The following ELAVL2 variants were observed in gnomAD, a reference collection of about 807,000 sequenced individuals.
The protein encoded by ELAVL2 is ELAV like RNA binding protein 2.
A neutral mutation model predicts 34.6 loss-of-function variants in ELAVL2; 4 were observed. The ratio of observed to expected loss-of-function variants is 0.12; its 90% CI spans 0.06 to 0.26. ELAVL2 has a LOEUF of 0.26. ELAVL2 is among the 10% of genes least tolerant of loss of function. ELAVL2 has a pLI of 1.00. For synonymous variants in ELAVL2, 193 were observed against 154.8 expected (o/e 1.25, Z -1.83); for missense variants, 432 against 442.8 (o/e 0.98, Z 0.22).
chr9:23,729,481 A>G (rs1029051670), intron 3 of ELAVL2, among the ~76,000 whole-genome samples: 7 of 152,178 alleles, frequency 4.6e-5, no homozygotes, highest in East Asian at 1.9e-4. Flanking sequence ...TCTGACACAG[A>G]AAGTATGCAG....
rs150537735 is a variant in ELAVL2 at position 23,805,821 on chromosome 9, C to T, written c.-16+19985G>A. ...GAGACCCCTCCTTATTCCTGGCAAACACAGTCATTTCAGTCCAACCTTGAA... is the reference window on the plus strand; with the variant it reads ...GAGACCCCTCCTTATTCCTGGCAAATACAGTCATTTCAGTCCAACCTTGAA... On this transcript the variant is annotated intron_variant, in intron 1 of 6. Transcript: ENST00000397312. Among the ~76,000 whole-genome samples, 312 of 152,306 alleles carry T rather than the reference C, an allele frequency of 2.0e-3. 1 individual carries two copies. The highest frequency in any genetic ancestry group is 7.3e-3 in the African/African-American group (304 of 41,560).
chr9:23,819,380 T>A (rs568498928), intron 1 of ELAVL2, among the ~76,000 whole-genome samples: 123 of 152,090 alleles, frequency 8.1e-4, no homozygotes, highest in Non-Finnish European at 1.3e-3. Context: ...AAAACACATC[T>A]TAGGCCTAGA....
intron 1 of ELAVL2, among the ~76,000 whole-genome samples, chr9:23,817,856 C>T (rs541004602): frequency 1.3e-5 from 2 of 152,284 alleles, no homozygotes; most frequent in South Asian, 4.1e-4. Context: ...CAAAAGTTAT[C>T]ATTTAAATCA....
chr9:23,735,170 T>C (rs528593387), intron 2 of ELAVL2: 1 of 134,902 alleles, frequency 7.4e-6, no homozygotes, highest in African/African-American at 2.7e-5. Flanking sequence ...GCCAAAAAAT[T>C]TGCCTGGTAA....
chr9:23,757,226 C>T (rs2053776327), intron 2 of ELAVL2, among the ~76,000 whole-genome samples: 1 of 152,160 alleles, frequency 6.6e-6, no homozygotes, highest in East Asian at 1.9e-4. Flanking sequence ...CCAGAGAAGA[C>T]ACACTCGCCA....
chr9:23,841,358 T>C, the ELAVL2 span, among the ~76,000 whole-genome samples: 3 of 152,132 alleles, frequency 2.0e-5, no homozygotes, highest in Admixed American at 6.6e-5. Flanking sequence ...GAGTGATTTA[T>C]ACCCTGGCAT....
At chr9:23,817,990 C>T (rs1202637043) in intron 1 of ELAVL2, among the ~76,000 whole-genome samples, 1 of 152,152 alleles carries the variant, frequency 6.6e-6, no homozygotes, top group Admixed American at 6.5e-5. Flanking sequence ...AATTAACTAG[C>T]ACTATAAACC....
At chr9:23,692,911 C>T in intron 6 of ELAVL2, 27 bp from the exon 7 acceptor site, 2 of 1,591,908 alleles carry the variant, frequency 1.3e-6, no homozygotes, top group Middle Eastern at 1.7e-4. Context: ...GAAATACACA[C>T]ATACACACAA....
At chr9:23,772,045 T>C (rs1309015360) in intron 1 of ELAVL2, among the ~76,000 whole-genome samples, 1 of 152,192 alleles carries the variant, frequency 6.6e-6, no homozygotes, top group African/African-American at 2.4e-5. Flanking sequence ...AACTACTCCC[T>C]CAGTTTTGTG....
At chr9:23,779,326 A>C (rs2136692947) in intron 1 of ELAVL2, 1 of 985,452 alleles carries the variant, frequency 1.0e-6, no homozygotes, top group East Asian at 1.1e-4. Context: ...CAGAGGAACA[A>C]AGGCAATTCC....
chr9:23,721,827 T>TTA (rs2043809928), intron 3 of ELAVL2, among the ~76,000 whole-genome samples: 1 of 152,244 alleles, frequency 6.6e-6, no homozygotes, highest in African/African-American at 2.4e-5. Context: ...CTAGCTTACT[T>TTA]TATATTGTAA....
At chr9:23,782,960 T>C (rs950901478) in intron 1 of ELAVL2, among the ~76,000 whole-genome samples, 1 of 152,200 alleles carries the variant, frequency 6.6e-6, no homozygotes, top group South Asian at 2.1e-4. Context: ...CCCATCTCAG[T>C]TGCTCATTGT....
At chr9:23,839,252 T>A in the ELAVL2 span, among the ~76,000 whole-genome samples, 3 of 152,066 alleles carry the variant, frequency 2.0e-5, no homozygotes, top group Admixed American at 2.0e-4. Flanking sequence ...CAGACATATA[T>A]TAATTTTCAG....
rs143912926 is a variant in ELAVL2, at chr9:23,799,419, T to A, written c.-16+26387A>T. ...TTCCTAAGGCACTCAGGGTGAAACCTGGACTAGAACCTAGATGTCCCTCCA... is the reference window on the plus strand; with the variant it reads ...TTCCTAAGGCACTCAGGGTGAAACCAGGACTAGAACCTAGATGTCCCTCCA... On this transcript the variant is annotated intron_variant, in intron 1 of 6. Coordinates refer to ENST00000397312, the MANE Select transcript of ELAVL2 (RefSeq NM_004432.5). 1.3e-3 allele frequency among the ~76,000 whole-genome samples: 205 copies of A among 152,306 alleles called. 1 individual carries two copies. The highest frequency in any genetic ancestry group is 4.9e-3 in the African/African-American group (203 of 41,570).
rs142256655 is a variant in ELAVL2, at chr9:23,725,256, G to A, written c.333+5766C>T. On this transcript the variant is annotated intron_variant, in intron 3 of 6. Coordinates refer to ENST00000397312, the MANE Select transcript of ELAVL2 (RefSeq NM_004432.5). ...AACATCAGCGCCTTCACATACATGC[G>A]CACCCAGAACACACTTCTATAACGC... is the stretch of plus-strand genomic sequence containing the variant. Among the ~76,000 whole-genome samples the A allele has an allele frequency of 3.5e-3, 540 of 152,144 alleles. 3 individuals carry two copies. Among genetic ancestry groups the A allele is most frequent in the African/African-American group, 0.012 (485 of 41,524 alleles).
intron 3 of ELAVL2, among the ~76,000 whole-genome samples, chr9:23,724,415 G>A (rs1379390317): frequency 1.3e-5 from 2 of 151,974 alleles, no homozygotes; most frequent in Non-Finnish European, 2.9e-5. Flanking sequence ...AAAAGGAACA[G>A]AAGTAACACA....
rs181058110 is a variant in ELAVL2 at position 23,704,295 on chromosome 9, T to C, written c.487+623A>G. Among the ~76,000 whole-genome samples, 1,024 of 152,268 alleles carry C rather than the reference T, an allele frequency of 6.7e-3. 12 individuals are homozygous for C. Among genetic ancestry groups the C allele is most frequent in the African/African-American group, 0.024 (984 of 41,542 alleles). On this transcript the variant is annotated intron_variant, in intron 4 of 6. Coordinates refer to ENST00000397312, the MANE Select transcript of ELAVL2 (RefSeq NM_004432.5). ...TATTTTTAAAATTCATAATCAAATC[T>C]ATATTGCTATAGCTTTGTTAACTAA...
chr9:23,810,341 C>A (rs2062810612), intron 1 of ELAVL2, among the ~76,000 whole-genome samples: 1 of 151,978 alleles, frequency 6.6e-6, no homozygotes, highest in Non-Finnish European at 1.5e-5. Flanking sequence ...AGAATCCTGG[C>A]CCTGAGGAAC....
At chr9:23,781,975 C>T (rs1367205092) in intron 1 of ELAVL2, among the ~76,000 whole-genome samples, 4 of 152,108 alleles carry the variant, frequency 2.6e-5, no homozygotes, top group African/African-American at 9.6e-5. Context: ...TGAGCCACCG[C>T]GCCTGGCTAA....
Sources: gnomAD v4.1 joint callset for allele counts (sites outside exome capture counted in the v4.1 genomes callset) on GRCh38, gnomAD v4.1.1 for gene constraint, MANE v1.5 for transcripts, NCBI Gene and HGNC (gene_info 2026-07-23, HGNC 2026-07-21) for gene names.